UTS2R: variants seen among roughly 807,000 people sequenced by gnomAD.
UTS2R encodes urotensin 2 receptor, also known as urotensin-2 receptor.
For synonymous variants in UTS2R, 335 were observed against 280.9 expected, an observed-to-expected ratio of 1.19 and a Z score of -1.93; for missense variants, 653 against 562.2, an observed-to-expected ratio of 1.16 and a Z score of -1.63.
chr17:82,371,776 T>TGGCGGCGGGCAGGTGGC lies in UTS2R; in HGVS notation c.-532_-516dup, dbSNP rs1269371067. On this transcript the variant is annotated 5_prime_UTR_variant, in exon 1 of 3. Transcript: ENST00000313135. This position sits in a 1 kb window ranked among gnomAD's most constrained non-coding sequence, Gnocchi z 6.3. ...GCGCGGGGCGCGGCGCATTCCCAGC[T>TGGCGGCGGGCAGGTGGC]GGCGGCGGGCAGGTGGCGGCGGCGC... Among the ~76,000 whole-genome samples the TGGCGGCGGGCAGGTGGC allele has an allele frequency of 6.6e-6, 1 of 151,002 alleles. No individual in the cohort carries two copies. Among genetic ancestry groups the TGGCGGCGGGCAGGTGGC allele is most frequent in the Non-Finnish European group, 1.5e-5 (1 of 67,748 alleles).
Position 82,375,363 on chromosome 17 carries a change from C to A in UTS2R, c.1039C>A (p.Pro347Thr). The A allele has an allele frequency of 6.3e-7, 1 of 1,578,072 alleles. No individual in the cohort carries two copies. Among genetic ancestry groups the A allele is most frequent in the Non-Finnish European group, 8.6e-7 (1 of 1,167,138 alleles). Residue 347 changes from proline to threonine, a missense_variant, in exon 3 of 3, where the codon CCC (proline) becomes ACC (threonine). Physicochemically the swap from Pro to Thr is conservative, Grantham distance 38. Transcript: ENST00000313135. The part of the protein sequence containing the change: ...GGRGPVPSLQ[P>T]RARFQRCSGR... ...CCGGGGGCCCGTTCCCTCCCTGCAG[C>A]CCCGCGCCCGCTTCCAGCGCTGTTC...
In UTS2R at chr17:82,374,452, G is replaced by C. The variant is rs754136666; in HGVS notation, c.128G>C (p.Ser43Thr). ...NSSWASPTEP[S>T]SLEDLVATGT... ...TCCTGGGCCAGCCCGACCGAGCCCA[G>C]CTCCCTGGAGGACCTGGTGGCCACG... The change falls in exon 3 of 3, where the codon AGC (serine) becomes ACC (threonine). Residue 43 changes from serine to threonine, a missense_variant. Ser to Thr is a moderately conservative substitution (Grantham distance 58, BLOSUM62 1). Coordinates refer to ENST00000313135, the MANE Select transcript of UTS2R (RefSeq NM_018949.3). The C allele has an allele frequency of 5.0e-6, 8 of 1,599,854 alleles. No individual in the cohort carries two copies. The East Asian group carries it at 1.8e-4, about 36-fold the overall frequency.
In UTS2R at chr17:82,374,987, G is replaced by T; in HGVS notation, c.663G>T (p.Ala221=). Reference sequence around the variant, plus strand: ...CGCTGCTCTTCGCCACCAGCATCGCGGGGCCCGGGCTGCTCATCGGGCTGC... The same window carrying T: ...CGCTGCTCTTCGCCACCAGCATCGCTGGGCCCGGGCTGCTCATCGGGCTGC... ...YLTLLFATSI[A]GPGLLIGLLY... The change falls in exon 3 of 3, where the codon GCG becomes GCT. Residue 221 remains alanine (A), a synonymous_variant. Coordinates refer to ENST00000313135, the MANE Select transcript of UTS2R (RefSeq NM_018949.3). 1 of 1,246,610 alleles carries T rather than the reference G, an allele frequency of 8.0e-7. No individual in the cohort carries two copies. Among genetic ancestry groups the T allele is most frequent in the Admixed American group, 2.0e-5 (1 of 49,030 alleles). 77.2% of individuals were successfully genotyped at this position (1,246,610 alleles called of 1,614,324 possible).
chr17:82,377,446 C>T lies in UTS2R; in HGVS notation c.*1952C>T, dbSNP rs1232584690. 7.2e-6 allele frequency among the ~76,000 whole-genome samples: 1 copy of T among 139,822 alleles called. No homozygotes were observed. The highest frequency in any genetic ancestry group is 1.5e-5 in the Non-Finnish European group (1 of 64,720). 91.7% of individuals were successfully genotyped at this position (139,822 alleles called of 152,430 possible). A position where few individuals can be genotyped will look rare whatever the true frequency, so the allele number is the denominator to read the frequency against. On this transcript the variant is annotated 3_prime_UTR_variant, in exon 3 of 3. Coordinates refer to ENST00000313135, the MANE Select transcript of UTS2R (RefSeq NM_018949.3). ...GCCAAATCCCCCTCTGCGAGAAACACCCAAGAATGATCAATAAAAAAAAAA... is the reference window on the plus strand; with the variant it reads ...GCCAAATCCCCCTCTGCGAGAAACATCCAAGAATGATCAATAAAAAAAAAA...
Position 82,374,350 on chromosome 17 carries a change from G to A in UTS2R, c.26G>A (p.Ser9Asn), listed in dbSNP as rs532587319. MALTPESP[S>N]SFPGLAATGS... ...ATGGCGCTGACCCCCGAGTCCCCGA[G>A]CAGCTTCCCTGGGCTGGCCGCCACT... The change falls in exon 3 of 3, where the codon AGC (serine) becomes AAC (asparagine). Residue 9 changes from serine to asparagine, a missense_variant. By Grantham distance (46) the Ser-to-Asn change is conservative. Transcript: ENST00000313135. 175 of 1,580,804 alleles carry A rather than the reference G, an allele frequency of 1.1e-4. 1 individual carries two copies. The highest frequency in any genetic ancestry group is 1.4e-4 in the Non-Finnish European group (159 of 1,170,722).
rs530605237 is a variant in UTS2R at position 82,377,207 on chromosome 17, G to A, written c.*1713G>A. On this transcript the variant is annotated 3_prime_UTR_variant, in exon 3 of 3. Transcript: ENST00000313135. ...CTGAAACATGTGCTGTGTCCACTCA[G>A]GGTTGAATGGATTAAGGGCGGTGCA... Among the ~76,000 whole-genome samples the A allele has an allele frequency of 6.6e-6, 1 of 152,204 alleles. No individual in the cohort carries two copies. The highest frequency in any genetic ancestry group is 6.5e-5 in the Admixed American group (1 of 15,278).
chr17:82,372,608 C>T lies in UTS2R; in HGVS notation c.-258C>T, dbSNP rs1448252052. On this transcript the variant is annotated 5_prime_UTR_variant, in exon 2 of 3. Transcript: ENST00000313135. ...GTCTTGTTTCTTCAGCCCACCACCG[C>T]GCTGTTTCATCCAGGCTGCTGACCC... Among the ~76,000 whole-genome samples, 1 of 152,200 alleles carries T rather than the reference C, an allele frequency of 6.6e-6. No individual in the cohort carries two copies. Among genetic ancestry groups the T allele is most frequent in the Non-Finnish European group, 1.5e-5 (1 of 68,036 alleles).
At position 82,374,716 on chromosome 17, in the gene UTS2R, T is replaced by C; in HGVS notation, c.392T>C (p.Phe131Ser). The C allele has an allele frequency of 6.2e-7, 1 of 1,612,954 alleles. No individual in the cohort carries two copies. The highest frequency in any genetic ancestry group is 2.2e-5 in the East Asian group (1 of 44,878). The stretch of plus-strand genomic sequence containing the variant: ...TGCCGCGTGCTCTTCGGCCTGGACT[T>C]CCTGACCATGCACGCCAGCATCTTC... ...VGCRVLFGLD[F>S]LTMHASIFTL... The change falls in exon 3 of 3, where the codon TTC becomes TCC. Residue 131 changes from phenylalanine (F) to serine (S), a missense_variant. Transcript: ENST00000313135.
In UTS2R at chr17:82,375,559, G is replaced by GC. The variant is rs906727846; in HGVS notation, c.*72dup. On this transcript the variant is annotated 3_prime_UTR_variant, in exon 3 of 3. Transcript: ENST00000313135. ...CCCAAAGCCCCAGCCACTCCCGGGA[G>GC]CCCCCCCAACTCCCAAATCACAGGC... The GC allele has an allele frequency of 7.6e-5, 48 of 632,636 alleles. No individual in the cohort carries two copies. The highest frequency in any genetic ancestry group is 4.9e-4 in the African/African-American group (25 of 51,204). 39.2% of individuals were successfully genotyped at this position (632,636 alleles called of 1,614,324 possible).
In UTS2R at chr17:82,375,217, A is replaced by C; in HGVS notation, c.893A>C (p.Tyr298Ser). The change falls in exon 3 of 3, where the codon TAC (tyrosine) becomes TCC (serine). Residue 298 changes from tyrosine to serine, a missense_variant. Coordinates refer to ENST00000313135, the MANE Select transcript of UTS2R (RefSeq NM_018949.3). ...LAPRTARIVNYLTTCLTYGNS... is the reference protein window; with the variant it reads ...LAPRTARIVNSLTTCLTYGNS... ...CCGCGGACGGCGCGCATCGTCAACT[A>C]CCTGACCACCTGCCTCACCTACGGC... The C allele has an allele frequency of 1.3e-6, 2 of 1,575,372 alleles. No homozygotes were observed. The highest frequency in any genetic ancestry group is 1.7e-6 in the Non-Finnish European group (2 of 1,162,526).
At position 82,374,976 on chromosome 17, in the gene UTS2R, A is replaced by T; in HGVS notation, c.652A>T (p.Thr218Ser). Residue 218 changes from threonine (T) to serine (S), a missense_variant, in exon 3 of 3, where the codon ACC becomes TCC. By Grantham distance (58) the Thr-to-Ser change is moderately conservative. Transcript: ENST00000313135. ...HRAYLTLLFA[T>S]SIAGPGLLIG... ...CGCCTACCTGACGCTGCTCTTCGCC[A>T]CCAGCATCGCGGGGCCCGGGCTGCT... 1 of 1,202,666 alleles carries T rather than the reference A, an allele frequency of 8.3e-7. No homozygotes were observed. Among genetic ancestry groups the T allele is most frequent in the Non-Finnish European group, 1.2e-6 (1 of 852,576 alleles). 74.5% of individuals were successfully genotyped at this position (1,202,666 alleles called of 1,614,324 possible). A position where few individuals can be genotyped will look rare whatever the true frequency, so the allele number is the denominator to read the frequency against.
chr17:82,374,419 T>A lies in UTS2R; in HGVS notation c.95T>A (p.Leu32His). ...PEPPGGPNATLNSSWASPTEP... is the reference protein window; with the variant it reads ...PEPPGGPNATHNSSWASPTEP... Reference sequence around the variant, plus strand: ...CCGCCTGGCGGCCCCAACGCAACCCTCAACAGCTCCTGGGCCAGCCCGACC... The same window carrying A: ...CCGCCTGGCGGCCCCAACGCAACCCACAACAGCTCCTGGGCCAGCCCGACC... Residue 32 changes from leucine to histidine, a missense_variant, in exon 3 of 3, where the codon CTC becomes CAC. Physicochemically the swap from Leu to His is moderately conservative, Grantham distance 99 (BLOSUM62 -3). Transcript: ENST00000313135. 1 of 1,598,206 alleles carries A rather than the reference T, an allele frequency of 6.3e-7. No homozygotes were observed. The highest frequency in any genetic ancestry group is 1.3e-5 in the African/African-American group (1 of 74,794).
rs899451958 is a variant in UTS2R at position 82,372,063 on chromosome 17, G to A, written c.-269+16G>A. Among the ~76,000 whole-genome samples, 1 of 152,056 alleles carries A rather than the reference G, an allele frequency of 6.6e-6. No individual in the cohort carries two copies. The stretch of plus-strand genomic sequence containing the variant: ...CCGGAGGCAGGTGGGTCCTCGGTGG[G>A]TGACCGGGAGCGCGCGGGGACTGCC... On this transcript the variant is annotated intron_variant, in intron 1 of 2. Transcript: ENST00000313135.
rs2052480804 is a variant in UTS2R at position 82,374,996 on chromosome 17, G to A, written c.672G>A (p.Gly224=). ...TCGCCACCAGCATCGCGGGGCCCGG[G>A]CTGCTCATCGGGCTGCTCTACGCGC... ...LLFATSIAGP[G]LLIGLLYARL... is the part of the protein sequence containing the mutation. The change falls in exon 3 of 3, where the codon GGG becomes GGA. Residue 224 remains glycine, a synonymous_variant. Transcript: ENST00000313135. 7.8e-7 allele frequency: 1 copy of A among 1,278,990 alleles called. No homozygotes were observed. The highest frequency in any genetic ancestry group is 2.5e-4 in the Middle Eastern group (1 of 3,996). The allele number at this position is 1,278,990 out of a possible 1,614,324, so 79.2% of individuals were successfully genotyped here. A position where few individuals can be genotyped will look rare whatever the true frequency, so the allele number is the denominator to read the frequency against.
At position 82,376,361 on chromosome 17, in the gene UTS2R, C is replaced by T. The variant is rs2052495779; in HGVS notation, c.*867C>T. Reference sequence around the variant, plus strand: ...GCTTGGCCAACCATCCTCTCTCTGGCGACTGCCCCCCTCCAGCCCCCAGCC... The same window carrying T: ...GCTTGGCCAACCATCCTCTCTCTGGTGACTGCCCCCCTCCAGCCCCCAGCC... On this transcript the variant is annotated 3_prime_UTR_variant, in exon 3 of 3. Transcript: ENST00000313135. Among the ~76,000 whole-genome samples, 3 of 152,186 alleles carry T rather than the reference C, an allele frequency of 2.0e-5. No individual in the cohort carries two copies. The highest frequency in any genetic ancestry group is 4.8e-5 in the African/African-American group (2 of 41,446).
Position 82,374,634 on chromosome 17 carries a change from A to G in UTS2R, c.310A>G (p.Ile104Val), listed in dbSNP as rs2052475653. 1.2e-6 allele frequency: 2 copies of G among 1,612,908 alleles called. No homozygotes were observed. The highest frequency in any genetic ancestry group is 2.7e-5 in the African/African-American group (2 of 74,924). ...ALADLLYLLS[I>V]PFIVATYVTK... ...GGCCGACCTGCTGTACCTGCTCAGC[A>G]TCCCCTTCATCGTGGCCACCTACGT... The change falls in exon 3 of 3, where the codon ATC (isoleucine) becomes GTC (valine). Residue 104 changes from isoleucine (I) to valine (V), a missense_variant. Coordinates refer to ENST00000313135, the MANE Select transcript of UTS2R (RefSeq NM_018949.3).
chr17:82,375,919 G>A lies in UTS2R; in HGVS notation c.*425G>A, dbSNP rs1402606374. Among the ~76,000 whole-genome samples the A allele has an allele frequency of 2.6e-5, 4 of 152,258 alleles. No individual in the cohort carries two copies. Among genetic ancestry groups the A allele is most frequent in the Non-Finnish European group, 4.4e-5 (3 of 68,046 alleles). On this transcript the variant is annotated 3_prime_UTR_variant, in exon 3 of 3. Coordinates refer to ENST00000313135, the MANE Select transcript of UTS2R (RefSeq NM_018949.3). ...TGGCTTCCGTGTCCTGCCTAGGCGC[G>A]GGGGACGCCACATCTGAGGTGTGGG...
rs1179275146 is a variant in UTS2R at position 82,376,942 on chromosome 17, C to G, written c.*1448C>G. The stretch of plus-strand genomic sequence containing the variant: ...GGAAGTGAGGAGCCCCTCTGCCCGG[C>G]CACCACCCCGTCTGGGAGGTGTGCC... On this transcript the variant is annotated 3_prime_UTR_variant, in exon 3 of 3. Transcript: ENST00000313135. Among the ~76,000 whole-genome samples the G allele has an allele frequency of 6.6e-6, 1 of 152,186 alleles. No individual in the cohort carries two copies. The highest frequency in any genetic ancestry group is 1.5e-5 in the Non-Finnish European group (1 of 68,022).
Position 82,374,891 on chromosome 17 carries a change from G to A in UTS2R, c.567G>A (p.Arg189=). 1 of 1,252,676 alleles carries A rather than the reference G, an allele frequency of 8.0e-7. No homozygotes were observed. Among genetic ancestry groups the A allele is most frequent in the Non-Finnish European group, 1.1e-6 (1 of 886,310 alleles). 77.6% of individuals were successfully genotyped at this position (1,252,676 alleles called of 1,614,324 possible). The change falls in exon 3 of 3, where the codon CGG becomes CGA. Residue 189 remains arginine (R), a synonymous_variant. Transcript: ENST00000313135. Reference sequence around the variant, plus strand: ...CGCTGCCCGTGATGCTGGCCATGCGGCTGGTGCGCCGGGGTCCCAAGAGCC... The same window carrying A: ...CGCTGCCCGTGATGCTGGCCATGCGACTGGTGCGCCGGGGTCCCAAGAGCC... ...LLTLPVMLAM[R]LVRRGPKSLC... is the part of the protein sequence containing the mutation.
Sources: gnomAD v4.1 joint callset for allele counts (sites outside exome capture counted in the v4.1 genomes callset) on GRCh38, gnomAD v4.1.1 for gene constraint, Gnocchi (gnomAD v3.1) non-coding constraint, MANE v1.5 for transcripts, NCBI Gene and HGNC (gene_info 2026-07-23, HGNC 2026-07-21) for gene names.